The following SEMA6D variants were observed in gnomAD, a reference collection of about 807,000 sequenced individuals.
SEMA6D encodes semaphorin 6D.
In SEMA6D, 35 loss-of-function variants were observed where a neutral mutation model predicts 106.6. The ratio of observed to expected loss-of-function variants is 0.33; its 90% CI spans 0.25 to 0.44. The LOEUF is 0.44. SEMA6D is among the 20% of genes least tolerant of loss of function. SEMA6D has a pLI of 1.00. For missense variants in SEMA6D, 1,185 were observed against 1,345.9 expected (o/e 0.88, Z 1.87); for synonymous variants, 499 against 487.7 (o/e 1.02, Z -0.31).
At chr15:47,444,098 A>G (rs577830038) in intron 2 of SEMA6D, among the ~76,000 whole-genome samples, 119 of 152,124 alleles carry the variant, frequency 7.8e-4, no homozygotes, top group Non-Finnish European at 1.5e-3. Flanking sequence ...TTCAACAACT[A>G]CATCTTGGAC....
intron 3 of SEMA6D, among the ~76,000 whole-genome samples, chr15:47,556,824 A>T (rs1401230288): frequency 6.6e-6 from 1 of 152,062 alleles, no homozygotes; most frequent in East Asian, 1.9e-4. Flanking sequence ...GTAACTGGGG[A>T]TGGTGTTTTT....
chr15:47,318,288 T>C (rs868843964), intron 1 of SEMA6D, among the ~76,000 whole-genome samples: 2 of 149,990 alleles, frequency 1.3e-5, no homozygotes, highest in African/African-American at 4.9e-5. Context: ...TTATTATACT[T>C]TAAGTTTTAG....
At chr15:47,387,961 G>A (rs1306150732) in intron 1 of SEMA6D, among the ~76,000 whole-genome samples, 1 of 152,138 alleles carries the variant, frequency 6.6e-6, no homozygotes, top group Non-Finnish European at 1.5e-5. Context: ...CAGAATAGTG[G>A]TAAGCACTTA....
intron 1 of SEMA6D, among the ~76,000 whole-genome samples, chr15:47,390,804 T>A (rs1209571660): frequency 6.6e-6 from 1 of 152,204 alleles, no homozygotes; most frequent in East Asian, 1.9e-4. Context: ...TATATTTTTT[T>A]ACTAGCTTTG....
rs138990892 is a variant in SEMA6D at position 47,693,684 on chromosome 15, C to T, written c.-54-66061C>T. ...ATGCCATGGTTCACATTTGTAATCC[C>T]AACACTTCGGGAGGGCAAGGAGGGA... On this transcript the variant is annotated intron_variant, in intron 4 of 19. Coordinates refer to the SEMA6D transcript ENST00000558014. Among the ~76,000 whole-genome samples, 439 of 152,180 alleles carry T rather than the reference C, an allele frequency of 2.9e-3. 3 individuals are homozygous for T. The highest frequency in any genetic ancestry group is 0.014 in the Middle Eastern group (4 of 294).
chr15:47,660,888 G>C (rs1293137053), intron 4 of SEMA6D, among the ~76,000 whole-genome samples: 1 of 152,146 alleles, frequency 6.6e-6, no homozygotes, highest in East Asian at 1.9e-4. Flanking sequence ...AGCAAAGTCT[G>C]CTGCTTTCAT....
intron 1 of SEMA6D, among the ~76,000 whole-genome samples, chr15:47,210,307 G>A (rs1895397545): frequency 1.3e-5 from 2 of 152,036 alleles, no homozygotes; most frequent in African/African-American, 4.8e-5. Context: ...AAGAAGGTGG[G>A]GTTTCTGGAA....
At chr15:47,757,323 T>A (rs1330255605) in intron 1 of SEMA6D, among the ~76,000 whole-genome samples, 2 of 152,240 alleles carry the variant, frequency 1.3e-5, no homozygotes, top group Non-Finnish European at 2.9e-5. Context: ...TTTCCTGATA[T>A]CCAGCAGAAA....
At chr15:47,575,058 A>G (rs984030131) in intron 3 of SEMA6D, among the ~76,000 whole-genome samples, 1 of 152,248 alleles carries the variant, frequency 6.6e-6, no homozygotes, top group Non-Finnish European at 1.5e-5. Flanking sequence ...TTGTTAAGTT[A>G]GACCTATAAA....
intron 1 of SEMA6D, among the ~76,000 whole-genome samples, chr15:47,244,448 A>G (rs1478905341): frequency 6.6e-6 from 1 of 152,180 alleles, no homozygotes; most frequent in African/African-American, 2.4e-5. Context: ...GATTATAAGC[A>G]TGTGTTATAA....
chr15:47,251,620 C>A (rs1246908132), intron 1 of SEMA6D, among the ~76,000 whole-genome samples: 2 of 151,976 alleles, frequency 1.3e-5, no homozygotes, highest in East Asian at 3.9e-4. Flanking sequence ...TGACTGTGAT[C>A]TTTTGAATAA....
At chr15:47,660,285 T>C (rs144718985) in intron 4 of SEMA6D, among the ~76,000 whole-genome samples, 14 of 152,226 alleles carry the variant, frequency 9.2e-5, no homozygotes, top group Admixed American at 9.2e-4. Flanking sequence ...TGAAAAGTTA[T>C]AGTAAATGCC....
intron 1 of SEMA6D, among the ~76,000 whole-genome samples, chr15:47,353,490 A>G (rs546664648): frequency 3.7e-4 from 56 of 152,316 alleles, no homozygotes; most frequent in African/African-American, 1.3e-3. Context: ...ATGCCGTTCC[A>G]TTGGGAATGT....
intron 3 of SEMA6D, among the ~76,000 whole-genome samples, chr15:47,583,660 C>T (rs942085357): frequency 1.3e-5 from 2 of 152,174 alleles, no homozygotes; most frequent in African/African-American, 4.8e-5. Context: ...TAAACCAGGG[C>T]TCCATACCCC....
intron 1 of SEMA6D, among the ~76,000 whole-genome samples, chr15:47,352,376 T>C (rs79950948): frequency 0.11 from 17,445 of 152,258 alleles, 1,338 homozygotes; most frequent in Middle Eastern, 0.25. Context: ...TAACCTTTTT[T>C]ATCTTTAACA....
intron 1 of SEMA6D, among the ~76,000 whole-genome samples, chr15:47,293,113 C>A (rs2035660134): frequency 6.6e-6 from 1 of 152,014 alleles, no homozygotes. Context: ...TTTTATTTTC[C>A]AGAGGTTCAA....
chr15:47,322,137 T>C (rs2036946406), intron 1 of SEMA6D, among the ~76,000 whole-genome samples: 1 of 152,200 alleles, frequency 6.6e-6, no homozygotes, highest in African/African-American at 2.4e-5. Flanking sequence ...TTTAAAATAA[T>C]GTTATGCTTA....
intron 1 of SEMA6D, among the ~76,000 whole-genome samples, chr15:47,753,547 G>A (rs2081558707): frequency 6.6e-6 from 1 of 152,214 alleles, no homozygotes; most frequent in Non-Finnish European, 1.5e-5. Flanking sequence ...ACAGTTAGTG[G>A]GCTGAAGGTC....
chr15:47,534,835 C>T (rs1421816035), intron 3 of SEMA6D, among the ~76,000 whole-genome samples: 1 of 152,038 alleles, frequency 6.6e-6, no homozygotes, highest in East Asian at 1.9e-4. Context: ...ACTGCCTCTC[C>T]CTGCTACACT....
Sources: gnomAD v4.1 joint callset for allele counts (sites outside exome capture counted in the v4.1 genomes callset) on GRCh38, gnomAD v4.1.1 for gene constraint, MANE v1.5 for transcripts, NCBI Gene and HGNC (gene_info 2026-07-23, HGNC 2026-07-21) for gene names.